The following ITPRID1 variants were observed in gnomAD, a reference collection of about 807,000 sequenced individuals.
ITPRID1 encodes protein ITPRID1.
A neutral mutation model predicts 95.4 loss-of-function variants in ITPRID1; 96 were observed. The observed-to-expected ratio is 1.01, with a 90% confidence interval of 0.85 to 1.19. ITPRID1 has a LOEUF of 1.19. ITPRID1 is among the 50% of genes most tolerant of loss of function. The probability of loss-of-function intolerance (pLI) is 0.00; values close to 1 mark genes in which losing one functional copy is unlikely to be tolerated. For synonymous variants in ITPRID1, 510 were observed against 453.6 expected (o/e 1.12, Z -1.58); for missense variants, 1,339 against 1,252.9 (o/e 1.07, Z -1.04).
chr7:31,541,497 G>A (rs970145073), intron 1 of ITPRID1, among the ~76,000 whole-genome samples: 7 of 152,182 alleles, frequency 4.6e-5, no homozygotes, highest in East Asian at 1.9e-4. Flanking sequence ...AAAATTACGA[G>A]GATATCTGGT....
chr7:31,594,723 G>A (rs1380188086), intron 10 of ITPRID1, among the ~76,000 whole-genome samples: 1 of 152,070 alleles, frequency 6.6e-6, no homozygotes, highest in Non-Finnish European at 1.5e-5. Context: ...TGTGTGTGGT[G>A]GTGCACGCCT....
intron 11 of ITPRID1, among the ~76,000 whole-genome samples, chr7:31,642,472 T>G (rs925616835): frequency 6.6e-6 from 1 of 152,214 alleles, no homozygotes; most frequent in African/African-American, 2.4e-5. Context: ...CCGGAAAGTG[T>G]GGCCTTCCTT....
At chr7:31,598,551 C>A (rs1036562406) in intron 10 of ITPRID1, among the ~76,000 whole-genome samples, 1 of 151,568 alleles carries the variant, frequency 6.6e-6, no homozygotes, top group Non-Finnish European at 1.5e-5. Flanking sequence ...CTACAGGCGC[C>A]CGCTACCACG....
intron 12 of ITPRID1, among the ~76,000 whole-genome samples, chr7:31,649,154 A>G (rs1790742314): frequency 6.6e-6 from 1 of 152,246 alleles, no homozygotes; most frequent in Admixed American, 6.5e-5. Context: ...AGAGGATAGA[A>G]TCAAAACCAA....
intron 10 of ITPRID1, among the ~76,000 whole-genome samples, chr7:31,637,471 A>G (rs1345247929): frequency 6.6e-6 from 1 of 151,988 alleles, no homozygotes; most frequent in Admixed American, 6.6e-5. Context: ...TTTGATTTGC[A>G]TTTCTCTGAT....
intron 5 of ITPRID1, among the ~76,000 whole-genome samples, chr7:31,569,347 T>C (rs1325336747): frequency 2.0e-5 from 3 of 152,196 alleles, no homozygotes; most frequent in African/African-American, 7.2e-5. Flanking sequence ...CTAAATGCCC[T>C]ATGAGCTAAT....
At chr7:31,594,858 A>G (rs975605208) in intron 10 of ITPRID1, among the ~76,000 whole-genome samples, 1 of 151,840 alleles carries the variant, frequency 6.6e-6, no homozygotes. Flanking sequence ...CTCCGTTTCA[A>G]AAAAAAAGAA....
At chr7:31,549,923 A>G (rs1784226884) in intron 2 of ITPRID1, among the ~76,000 whole-genome samples, 1 of 152,158 alleles carries the variant, frequency 6.6e-6, no homozygotes, top group Non-Finnish European at 1.5e-5. Flanking sequence ...GAATGTAATC[A>G]TTGTCACTGC....
At position 31,598,698 on chromosome 7, in the gene ITPRID1, C is replaced by T. The variant is rs146020648; in HGVS notation, c.1228+15507C>T. Among the ~76,000 whole-genome samples the T allele has an allele frequency of 1.4e-3, 217 of 151,976 alleles. 2 individuals carry two copies. Among genetic ancestry groups the T allele is most frequent in the African/African-American group, 5.1e-3 (213 of 41,468 alleles). On this transcript the variant is annotated intron_variant, in intron 10 of 14. Transcript: ENST00000615280. ...GATTACAGGCGTGAGCCACCGCGCT[C>T]GGTCTAAAATAGCAAATTTCTAAAA...
chr7:31,639,967 CTAT>C (rs1439863095), intron 10 of ITPRID1, among the ~76,000 whole-genome samples: 2 of 152,012 alleles, frequency 1.3e-5, no homozygotes, highest in Non-Finnish European at 2.9e-5. Context: ...CTTTGCACAC[CTAT>C]TATTTTTTAA....
At position 31,643,270 on chromosome 7, in the gene ITPRID1, C is replaced by G; in HGVS notation, c.1900C>G (p.Leu634Val). ...GFCPHTNHSL[L>V]VPESSSQCIP... Reference sequence around the variant, plus strand: ...CTGTCCTCACACCAACCACAGCTTACTCGTACCAGAAAGCTCATCACAGTG... The same window carrying G: ...CTGTCCTCACACCAACCACAGCTTAGTCGTACCAGAAAGCTCATCACAGTG... Residue 634 changes from leucine (L) to valine (V), a missense_variant, in exon 12 of 15, where the codon CTC becomes GTC. By Grantham distance (32) the Leu-to-Val change is conservative. Transcript: ENST00000615280. The G allele has an allele frequency of 6.2e-7, 1 of 1,613,812 alleles. No individual in the cohort carries two copies. Among genetic ancestry groups the G allele is most frequent in the Non-Finnish European group, 8.5e-7 (1 of 1,179,880 alleles).
chr7:31,650,026 A>G (rs530855679), intron 12 of ITPRID1, among the ~76,000 whole-genome samples: 1 of 152,322 alleles, frequency 6.6e-6, no homozygotes, highest in Non-Finnish European at 1.5e-5. Flanking sequence ...TGTCAATGCC[A>G]TTAGACCAAC....
rs1426297316 is a variant in ITPRID1, at chr7:31,656,241, A to G, written c.*3412A>G. 5.6e-6 allele frequency: 1 copy of G among 177,960 alleles called. No individual in the cohort carries two copies. The highest frequency in any genetic ancestry group is 1.1e-5 in the Non-Finnish European group (1 of 91,698). The allele number at this position is 177,960 out of a possible 1,614,324, so 11.0% of individuals were successfully genotyped here. Reference sequence around the variant, plus strand: ...ATTTGAGGACTGTGTAGTACCTACTACCCTGTGTTTAAGAGAGACTATCTG... The same window carrying G: ...ATTTGAGGACTGTGTAGTACCTACTGCCCTGTGTTTAAGAGAGACTATCTG... On this transcript the variant is annotated 3_prime_UTR_variant, in exon 15 of 15. Coordinates refer to ENST00000615280, the MANE Select transcript of ITPRID1 (RefSeq NM_001257967.3).
intron 10 of ITPRID1, among the ~76,000 whole-genome samples, chr7:31,605,400 A>G (rs939401461): frequency 6.6e-6 from 1 of 152,200 alleles, no homozygotes; most frequent in African/African-American, 2.4e-5. Flanking sequence ...ATTCAAGGTG[A>G]ATATTGCATC....
chr7:31,548,399 A>C (rs569666062), intron 1 of ITPRID1, among the ~76,000 whole-genome samples: 3 of 152,296 alleles, frequency 2.0e-5, no homozygotes, highest in African/African-American at 7.2e-5. Context: ...AGCAGCAACA[A>C]AGATCATAGA....
At chr7:31,532,778 T>G (rs1489373303) in intron 1 of ITPRID1, among the ~76,000 whole-genome samples, 4 of 152,182 alleles carry the variant, frequency 2.6e-5, no homozygotes, top group African/African-American at 9.6e-5. Context: ...GCCAAGCAAG[T>G]TGGCCACTTC....
chr7:31,642,839 C>T lies in ITPRID1; in HGVS notation c.1469C>T (p.Ala490Val), dbSNP rs4141001. ...AGCATGTCTTTTTCAAGCCAAGAAGCGAATGCCTTGGAACAAAGGGCCTCA... is the reference window on the plus strand; with the variant it reads ...AGCATGTCTTTTTCAAGCCAAGAAGTGAATGCCTTGGAACAAAGGGCCTCA... ...RASMSFSSQE[A>V]NALEQRASVS... is the part of the protein sequence containing the mutation. The change falls in exon 12 of 15, where the codon GCG (alanine) becomes GTG (valine). Residue 490 changes from alanine (A) to valine (V), a missense_variant. Ala to Val is a moderately conservative substitution (Grantham distance 64, BLOSUM62 0). Coordinates refer to ENST00000615280, the MANE Select transcript of ITPRID1 (RefSeq NM_001257967.3). 0.77 allele frequency: 1,243,592 copies of T among 1,613,740 alleles called. 481,584 individuals are homozygous for T. The highest frequency in any genetic ancestry group is 0.87 in the East Asian group (38,837 of 44,844).
intron 1 of ITPRID1, among the ~76,000 whole-genome samples, chr7:31,515,180 G>A (rs1034853453): frequency 5.9e-5 from 9 of 151,660 alleles, no homozygotes; most frequent in African/African-American, 2.2e-4. Context: ...TAAAAAAATT[G>A]TTATAGGAAT....
At position 31,553,004 on chromosome 7, in the gene ITPRID1, A is replaced by C. The variant is rs1350506272; in HGVS notation, c.-21A>C. 8.7e-6 allele frequency: 14 copies of C among 1,602,966 alleles called. No homozygotes were observed. The African/African-American group carries it at 1.7e-4, about 20-fold the overall frequency. ...TGTTTGTGTGTGTGTGTTTTAAGTT[A>C]GTTTGCAGAATTACTCTCCTATGAT... On this transcript the variant is annotated splice_region_variant and 5_prime_UTR_variant, in exon 3 of 15. Transcript: ENST00000615280.
Sources: allele counts gnomAD v4.1 joint callset (sites outside exome capture counted in the v4.1 genomes callset), GRCh38; gene constraint gnomAD v4.1.1; transcripts MANE v1.5; gene names NCBI Gene and HGNC (gene_info 2026-07-23, HGNC 2026-07-21).